Variants in KIDINS220 observed in about 807,000 individuals in gnomAD.
The protein encoded by KIDINS220 is kinase D interacting substrate 220.
In KIDINS220, 63 loss-of-function variants were observed where a neutral mutation model predicts 157.6. The observed-to-expected ratio is 0.40, with a 90% CI of 0.33 to 0.49. The LOEUF is 0.49. Among genes scored for constraint, KIDINS220 ranks in the 20% least tolerant of loss-of-function variants. KIDINS220 has a pLI of 0.66. For missense variants in KIDINS220, 1,772 were observed against 2,171.2 expected, an observed-to-expected ratio of 0.82 and a Z score of 3.65; for synonymous variants, 732 against 783.6, an observed-to-expected ratio of 0.93 and a Z score of 1.10.
In KIDINS220 at chr2:8,804,933, GC is replaced by G. The variant is rs1675225822; in HGVS notation, c.603+1337del. On this transcript the variant is annotated intron_variant, in intron 7 of 29. Transcript: ENST00000256707. ...AGGCAAGTGTTCGGTGCCCAAGACT[GC>G]CCCCGCTTCCCATGCCAATGAAAGC... 3.3e-5 allele frequency among the ~76,000 whole-genome samples: 5 copies of G among 152,236 alleles called. No homozygotes were observed. In the South Asian group the frequency reaches 1.0e-3, roughly 32 times the overall value.
intron 2 of KIDINS220, among the ~76,000 whole-genome samples, chr2:8,820,584 C>T (rs186284237): frequency 2.0e-5 from 3 of 152,140 alleles, no homozygotes; most frequent in Admixed American, 2.0e-4. Flanking sequence ...ATAGACATTC[C>T]TATGTAAGGA....
chr2:8,802,900 T>C, intron 8 of KIDINS220, 30 bp downstream of exon 8: 1 of 1,595,260 alleles, frequency 6.3e-7, no homozygotes, highest in Non-Finnish European at 8.6e-7. Context: ...ACTTCACCAC[T>C]AGGAGACAAA....
chr2:8,783,236 CAT>C (rs1286292666), intron 17 of KIDINS220, among the ~76,000 whole-genome samples: 1 of 149,722 alleles, frequency 6.7e-6, no homozygotes, highest in Non-Finnish European at 1.5e-5. Flanking sequence ...AGAAAGATCA[CAT>C]GATTGCATAA....
intron 29 of KIDINS220, among the ~76,000 whole-genome samples, chr2:8,732,764 C>T (rs1284438990): frequency 3.9e-5 from 6 of 152,168 alleles, no homozygotes; most frequent in Admixed American, 1.3e-4. Flanking sequence ...TCCTCCTCAC[C>T]GCTGCCCTGC....
intron 2 of KIDINS220, among the ~76,000 whole-genome samples, chr2:8,819,550 G>A (rs572350477): frequency 5.3e-5 from 8 of 152,298 alleles, no homozygotes; most frequent in Admixed American, 3.9e-4. Context: ...TAGGCCGAGC[G>A]CAGTGGCTCA....
intron 11 of KIDINS220, among the ~76,000 whole-genome samples, chr2:8,796,505 C>T (rs1219495429): frequency 1.3e-5 from 2 of 152,152 alleles, no homozygotes; most frequent in Non-Finnish European, 2.9e-5. Flanking sequence ...AAGGCAGAGC[C>T]TCCTCCTGAT....
intron 22 of KIDINS220, among the ~76,000 whole-genome samples, chr2:8,756,540 G>A (rs1668036853): frequency 6.6e-6 from 1 of 152,206 alleles, no homozygotes; most frequent in African/African-American, 2.4e-5. Flanking sequence ...CATAGGCTGG[G>A]TGGCTTAAAT....
downstream of KIDINS220, chr2:8,721,486 T>A (rs911308768): frequency 3.3e-5 from 5 of 152,238 alleles, no homozygotes; most frequent in African/African-American, 1.2e-4. Flanking sequence ...TTTTTCTCCA[T>A]AAGTATAATT....
chr2:8,790,523 A>C (rs2148272837), intron 13 of KIDINS220, among the ~76,000 whole-genome samples: 1 of 152,276 alleles, frequency 6.6e-6, no homozygotes, highest in South Asian at 2.1e-4. Flanking sequence ...ACTGTTCTTA[A>C]AGGTGCATGT....
In KIDINS220 at chr2:8,789,939, T is replaced by G. The variant is rs372243506; in HGVS notation, c.1562A>C (p.His521Pro). 1.2e-6 allele frequency: 2 copies of G among 1,613,640 alleles called. No homozygotes were observed. The highest frequency in any genetic ancestry group is 1.7e-6 in the Non-Finnish European group (2 of 1,179,908). ...TGACACTGCTATTCCAAGATTTGGGTGGACCGTGAAGGCAAACAATAAACC... is the reference window on the plus strand; with the variant it reads ...TGACACTGCTATTCCAAGATTTGGGGGGACCGTGAAGGCAAACAATAAACC... ...GLGLLFAFTVHPNLGIAVSLS... is the reference protein window; with the variant it reads ...GLGLLFAFTVPPNLGIAVSLS... Residue 521 changes from histidine (H) to proline (P), a missense_variant, in exon 14 of 30, where the codon CAC (histidine) becomes CCC (proline). Physicochemically the swap from His to Pro is moderately conservative, Grantham distance 77 (BLOSUM62 -2). Transcript: ENST00000256707.
chr2:8,730,773 C>T lies in KIDINS220; in HGVS notation c.5263G>A (p.Ala1755Thr), dbSNP rs1663932559. 1.9e-6 allele frequency: 3 copies of T among 1,614,236 alleles called. No individual in the cohort carries two copies. In the East Asian group the frequency reaches 6.7e-5, roughly 36 times the overall value. Reference protein sequence around the residue: ...LSKDPPELHAAASSESTGFGE... With the variant: ...LSKDPPELHATASSESTGFGE... ...AAGCCTGTGCTCTCAGAAGAGGCTG[C>T]TGCATGGAGCTCCGGAGGATCTTTG... Residue 1755 changes from alanine to threonine, a missense_variant, in exon 30 of 30, where the codon GCA becomes ACA. Coordinates refer to ENST00000256707, the MANE Select transcript of KIDINS220 (RefSeq NM_020738.4).
intron 17 of KIDINS220, among the ~76,000 whole-genome samples, chr2:8,783,621 C>T (rs963190668): frequency 1.3e-5 from 2 of 151,398 alleles, no homozygotes; most frequent in Non-Finnish European, 2.9e-5. Flanking sequence ...GACTAACAAA[C>T]AATTATAGCA....
intron 2 of KIDINS220, among the ~76,000 whole-genome samples, chr2:8,824,814 C>G (rs751057954): frequency 6.6e-6 from 1 of 152,120 alleles, no homozygotes; most frequent in East Asian, 1.9e-4. Flanking sequence ...AAATGTGCTA[C>G]GTACATACAA....
intron 22 of KIDINS220, among the ~76,000 whole-genome samples, chr2:8,762,402 G>C (rs919090348): frequency 1.3e-5 from 2 of 152,136 alleles, no homozygotes; most frequent in Non-Finnish European, 2.9e-5. Flanking sequence ...ATGGCATTAT[G>C]AGAGTAAAGT....
Position 8,750,259 on chromosome 2 carries a change from A to T in KIDINS220, c.3267T>A (p.Pro1089=). ...YPPLPLHEGP[P]RAPSGYSQPP... is the part of the protein sequence containing the mutation. ...GCTGGCTGTACCCTGATGGCGCCCT[A>T]GGAGGACCCTCATGTAGAGGGAGCG... Residue 1089 remains proline, a synonymous_variant, in exon 24 of 30, where the codon CCT becomes CCA. Coordinates refer to ENST00000256707, the MANE Select transcript of KIDINS220 (RefSeq NM_020738.4). 1 of 1,613,864 alleles carries T rather than the reference A, an allele frequency of 6.2e-7. No individual in the cohort carries two copies. Among genetic ancestry groups the T allele is most frequent in the Admixed American group, 1.7e-5 (1 of 60,006 alleles).
At chr2:8,757,119 A>T in intron 22 of KIDINS220, 1 of 317,700 alleles carries the variant, frequency 3.1e-6, no homozygotes, top group South Asian at 1.3e-4. Context: ...AATTCATTTT[A>T]GGAAAAAAAA....
intron 3 of KIDINS220, 59 bp from the exon 4 acceptor site, chr2:8,817,775 G>C: frequency 8.7e-7 from 1 of 1,155,220 alleles, no homozygotes; most frequent in Non-Finnish European, 1.3e-6. Flanking sequence ...GTCAAAGTAA[G>C]GAAAACTACA....
At chr2:8,758,052 G>T (rs1473901517) in intron 22 of KIDINS220, among the ~76,000 whole-genome samples, 1 of 152,090 alleles carries the variant, frequency 6.6e-6, no homozygotes, top group African/African-American at 2.4e-5. Flanking sequence ...TAGTAGAGAC[G>T]AGGTTTCACC....
Position 8,797,621 on chromosome 2 carries a change from AT to A in KIDINS220, c.999+580del, listed in dbSNP as rs1345629542. Among the ~76,000 whole-genome samples, 3 of 152,290 alleles carry A rather than the reference AT, an allele frequency of 2.0e-5. No individual in the cohort carries two copies. In the East Asian group the frequency reaches 5.8e-4, roughly 29 times the overall value. On this transcript the variant is annotated intron_variant, in intron 10 of 29. Coordinates refer to ENST00000256707, the MANE Select transcript of KIDINS220 (RefSeq NM_020738.4). ...GGATTGTCTTATGGATGACTCTATA[AT>A]TTTGCTTTATTCATTAAGAATTCCT...
Sources: gnomAD v4.1 joint callset for allele counts (sites outside exome capture counted in the v4.1 genomes callset) on GRCh38, gnomAD v4.1.1 for gene constraint, MANE v1.5 for transcripts, NCBI Gene and HGNC (gene_info 2026-07-23, HGNC 2026-07-21) for gene names.